The following EPHB3 variants were observed in gnomAD, a reference collection of about 807,000 sequenced individuals.
EPHB3 encodes ephrin type-B receptor 3.
Under a neutral mutation model 100.2 loss-of-function variants are expected in EPHB3, and 33 were observed. The observed-to-expected ratio is 0.33, with a 90% CI of 0.25 to 0.44. The LOEUF is 0.44. Among genes scored for constraint, EPHB3 ranks in the 20% least tolerant of loss-of-function variants. EPHB3 has a pLI of 1.00. For missense variants in EPHB3, 1,045 were observed against 1,378.3 expected (o/e 0.76, Z 3.83); for synonymous variants, 526 against 554.7 (o/e 0.95, Z 0.73).
At chr3:184,575,493 C>A (rs1444854209) in intron 3 of EPHB3, among the ~76,000 whole-genome samples, 2 of 152,056 alleles carry the variant, frequency 1.3e-5, no homozygotes, top group African/African-American at 4.8e-5. Context: ...GTGGTCTCTT[C>A]TTCACCCCAC....
Position 184,573,202 on chromosome 3 carries a change from G to C in EPHB3, c.856+26G>C. On this transcript the variant is annotated intron_variant, in intron 3 of 15. Coordinates refer to ENST00000330394, the MANE Select transcript of EPHB3 (RefSeq NM_004443.4). This position sits in a 1 kb window ranked among gnomAD's most constrained non-coding sequence, Gnocchi z 4.5. ...GTGAGTGGGGACTGTCCTGGGGAAA[G>C]GGTTGTCGGGAGGGCCTGGGCCACA... is the stretch of plus-strand genomic sequence containing the variant. 6.2e-7 allele frequency: 1 copy of C among 1,606,772 alleles called. No individual in the cohort carries two copies. The highest frequency in any genetic ancestry group is 1.3e-5 in the African/African-American group (1 of 75,062).
chr3:184,574,868 C>A (rs1359948419), intron 3 of EPHB3, among the ~76,000 whole-genome samples: 3 of 152,232 alleles, frequency 2.0e-5, no homozygotes, highest in African/African-American at 7.2e-5. Flanking sequence ...CTCAAAAGAG[C>A]TAGGGTGGAA....
In EPHB3 at chr3:184,577,529, G is replaced by A; in HGVS notation, c.1479+62G>A. 6.2e-6 allele frequency: 10 copies of A among 1,603,310 alleles called. No individual in the cohort carries two copies. The highest frequency in any genetic ancestry group is 1.7e-5 in the Admixed American group (1 of 59,252). On this transcript the variant is annotated intron_variant, in intron 6 of 15. Coordinates refer to ENST00000330394, the MANE Select transcript of EPHB3 (RefSeq NM_004443.4). This position sits in a 1 kb window ranked among gnomAD's most constrained non-coding sequence, Gnocchi z 4.9. ...GAGCTGGGCTGAGAAAATTACCCCCGGATCATGATGGGGCCCTTGGGAGCA... is the reference window on the plus strand; with the variant it reads ...GAGCTGGGCTGAGAAAATTACCCCCAGATCATGATGGGGCCCTTGGGAGCA...
At position 184,575,968 on chromosome 3, in the gene EPHB3, C is replaced by A; in HGVS notation, c.995C>A (p.Ala332Glu). The A allele has an allele frequency of 6.2e-7, 1 of 1,612,534 alleles. No homozygotes were observed. The change falls in exon 4 of 16, where the codon GCG (alanine) becomes GAG (glutamate). Residue 332 changes from alanine to glutamate, a missense_variant. This residue lies in a region of EPHB3 where 985 missense variants were observed against 1,331.1 expected (regional missense o/e 0.74). Transcript: ENST00000330394. The stretch of plus-strand genomic sequence containing the variant: ...TTCTACCGTGCAGACTCGGACTCTG[C>A]GGACAGTGCCTGTACCAGTGAGTGA... ...NNFYRADSDS[A>E]DSACTTVPSP...
rs1461120570 is a variant in EPHB3 at position 184,577,548 on chromosome 3, G to A, written c.1479+81G>A. On this transcript the variant is annotated intron_variant, in intron 6 of 15. Coordinates refer to ENST00000330394, the MANE Select transcript of EPHB3 (RefSeq NM_004443.4). This position sits in a 1 kb window ranked among gnomAD's most constrained non-coding sequence, Gnocchi z 4.9. ...ACCCCCGGATCATGATGGGGCCCTT[G>A]GGAGCAAGGCCTTGGGTATGGAGGG... 1 of 1,594,924 alleles carries A rather than the reference G, an allele frequency of 6.3e-7. No homozygotes were observed. The highest frequency in any genetic ancestry group is 1.3e-5 in the African/African-American group (1 of 74,610).
chr3:184,578,134 C>G lies in EPHB3; in HGVS notation c.1748+128C>G. 9.3e-7 allele frequency: 1 copy of G among 1,072,094 alleles called. No homozygotes were observed. The allele number at this position is 1,072,094 out of a possible 1,614,324, so 66.4% of individuals were successfully genotyped here. On this transcript the variant is annotated intron_variant, in intron 8 of 15. Coordinates refer to ENST00000330394, the MANE Select transcript of EPHB3 (RefSeq NM_004443.4). This position sits in a 1 kb window ranked among gnomAD's most constrained non-coding sequence, Gnocchi z 4.7. The stretch of plus-strand genomic sequence containing the variant: ...CCCAGGGCCTTAGCCCTCCTGGGGC[C>G]AGCCGTTGCTGGAGAAGCCCTCTCC...
intron 11 of EPHB3, among the ~76,000 whole-genome samples, chr3:184,580,172 G>A (rs368737753): frequency 1.3e-5 from 2 of 152,222 alleles, no homozygotes; most frequent in East Asian, 1.9e-4. Context: ...CAGCTGCCTG[G>A]TTGTAGAATG....
rs766450594 is a variant in EPHB3, at chr3:184,582,267, TGTGTGTGTGTGC to T, written c.*647_*658del. On this transcript the variant is annotated 3_prime_UTR_variant, in exon 16 of 16. Transcript: ENST00000330394. ...TGGGATGTGTGAGTGTGTGTGTGTG[TGTGTGTGTGTGC>T]GCGCGCGCGCGCGTGTGTGTGTGCA... 0.011 allele frequency: 1,446 copies of T among 130,792 alleles called. 19 individuals carry two copies. Among genetic ancestry groups the T allele is most frequent in the African/African-American group, 0.036 (1,065 of 29,330 alleles). 8.1% of individuals were successfully genotyped at this position (130,792 alleles called of 1,614,324 possible). A position where few individuals can be genotyped will look rare whatever the true frequency, so the allele number is the denominator to read the frequency against.
Position 184,562,310 on chromosome 3 carries a change from G to A in EPHB3, c.75G>A (p.Leu25=). Residue 25 remains leucine (L), a synonymous_variant, in exon 1 of 16, where the codon CTG becomes CTA. Transcript: ENST00000330394. This position sits in a 1 kb window ranked among gnomAD's most constrained non-coding sequence, Gnocchi z 4.8. ...GLLPLLPPLL[L]LPLLLLPAGC... ...TGCCGCTGCTCCCTCCGCTGCTGCT[G>A]CTGCCGCTGCTGCTGCTGCCCGCCG... 1 of 1,250,260 alleles carries A rather than the reference G, an allele frequency of 8.0e-7. No individual in the cohort carries two copies. Among genetic ancestry groups the A allele is most frequent in the Middle Eastern group, 3.1e-4 (1 of 3,244 alleles). The allele number at this position is 1,250,260 out of a possible 1,614,324, so 77.4% of individuals were successfully genotyped here. A position where few individuals can be genotyped will look rare whatever the true frequency, so the allele number is the denominator to read the frequency against.
Position 184,571,036 on chromosome 3 carries a change from A to ACCTC in EPHB3, c.119-280_119-277dup, listed in dbSNP as rs1279175378. 6.7e-6 allele frequency among the ~76,000 whole-genome samples: 1 copy of ACCTC among 150,168 alleles called. No homozygotes were observed. On this transcript the variant is annotated intron_variant, in intron 1 of 15. Coordinates refer to ENST00000330394, the MANE Select transcript of EPHB3 (RefSeq NM_004443.4). This position sits in a 1 kb window ranked among gnomAD's most constrained non-coding sequence, Gnocchi z 5.0. ...AGTAGTGCAATCTCGGCTCACTGCA[A>ACCTC]CCTCCGTCTCCCAGGTTCAAGCGAT...
rs528040784 is a variant in EPHB3, at chr3:184,569,732, A to C, written c.119-1586A>C. Among the ~76,000 whole-genome samples the C allele has an allele frequency of 6.6e-6, 1 of 152,234 alleles. No homozygotes were observed. Among genetic ancestry groups the C allele is most frequent in the South Asian group, 2.1e-4 (1 of 4,822 alleles). On this transcript the variant is annotated intron_variant, in intron 1 of 15. Coordinates refer to ENST00000330394, the MANE Select transcript of EPHB3 (RefSeq NM_004443.4). The surrounding 1 kb of genome is among the most constrained non-coding windows in gnomAD (Gnocchi z 5.4). ...GGGGTCACAGCTGCCTTGTCCACCC[A>C]CGGGGTCCTCCGCCGTCCTCGGCTC...
At chr3:184,574,167 C>A (rs933252337) in intron 3 of EPHB3, among the ~76,000 whole-genome samples, 50 of 152,340 alleles carry the variant, frequency 3.3e-4, no homozygotes, top group Admixed American at 1.1e-3. Flanking sequence ...GCACAGCCAC[C>A]AGCTAAGTGT....
intron 3 of EPHB3, among the ~76,000 whole-genome samples, chr3:184,574,404 T>A (rs1462600200): frequency 3.9e-5 from 6 of 152,120 alleles, no homozygotes; most frequent in Non-Finnish European, 8.8e-5. Context: ...GGAAACTGAG[T>A]CTTGGAGAAG....
At chr3:184,566,428 G>A (rs1310632259) in intron 1 of EPHB3, among the ~76,000 whole-genome samples, 1 of 152,246 alleles carries the variant, frequency 6.6e-6, no homozygotes, top group African/African-American at 2.4e-5. Context: ...AGACATGGGG[G>A]CCAAGGGGCT....
Position 184,561,826 on chromosome 3 carries a change from C to T in EPHB3, c.-410C>T, listed in dbSNP as rs1325101499. ...TGAGCGGCGCAGCAAGATCCCAGCT[C>T]GGACCCCGGACGGCGCGCGCCCCCG... is the stretch of plus-strand genomic sequence containing the variant. On this transcript the variant is annotated 5_prime_UTR_variant, in exon 1 of 16. Transcript: ENST00000330394. 1 of 152,504 alleles carries T rather than the reference C, an allele frequency of 6.6e-6. No homozygotes were observed. The highest frequency in any genetic ancestry group is 2.4e-5 in the African/African-American group (1 of 41,436). The allele number at this position is 152,504 out of a possible 1,614,324, so 9.4% of individuals were successfully genotyped here.
In EPHB3 at chr3:184,581,630, T is replaced by C. The variant is rs1328037161; in HGVS notation, c.*8T>C. 6.3e-7 allele frequency: 1 copy of C among 1,599,530 alleles called. No homozygotes were observed. Among genetic ancestry groups the C allele is most frequent in the Non-Finnish European group, 8.5e-7 (1 of 1,173,520 alleles). On this transcript the variant is annotated 3_prime_UTR_variant, in exon 16 of 16. Transcript: ENST00000330394. ...CTGCCTGTGCAGGTCTGACACCGGC[T>C]CCCACGGGGACCCTGAGGACCGTGC... is the stretch of plus-strand genomic sequence containing the variant.
At chr3:184,580,074 T>TAC (rs1714782348) in intron 11 of EPHB3, 140 bp downstream of exon 11, 1 of 1,315,490 alleles carries the variant, frequency 7.6e-7, no homozygotes, top group African/African-American at 1.5e-5. Flanking sequence ...TGGCAGGGCC[T>TAC]TCATAGCCAT....
rs1714780547 is a variant in EPHB3 at position 184,579,999 on chromosome 3, C to T, written c.2172+65C>T. The T allele has an allele frequency of 6.4e-7, 1 of 1,566,044 alleles. No homozygotes were observed. The highest frequency in any genetic ancestry group is 1.9e-5 in the Admixed American group (1 of 53,246). On this transcript the variant is annotated intron_variant, in intron 11 of 15. Coordinates refer to ENST00000330394, the MANE Select transcript of EPHB3 (RefSeq NM_004443.4). This position sits in a 1 kb window ranked among gnomAD's most constrained non-coding sequence, Gnocchi z 5.2. ...GTTGGATTGGGCTCACCATCCCCTC[C>T]CACAAGTCAGACAGCCCCTATTCAA... is the stretch of plus-strand genomic sequence containing the variant.
At chr3:184,568,408 G>A (rs1714449254) in intron 1 of EPHB3, among the ~76,000 whole-genome samples, 1 of 152,186 alleles carries the variant, frequency 6.6e-6, no homozygotes, top group South Asian at 2.1e-4. Context: ...AGCTGGGGGA[G>A]TTGAGAACTT....
Sources: gnomAD v4.1 joint callset for allele counts (sites outside exome capture counted in the v4.1 genomes callset) on GRCh38, gnomAD v4.1.1 for gene constraint, gnomAD v4.1.1 regional missense constraint, Gnocchi (gnomAD v3.1) non-coding constraint, MANE v1.5 for transcripts, NCBI Gene and HGNC (gene_info 2026-07-23, HGNC 2026-07-21) for gene names.